BCL11A: variants seen among roughly 807,000 people sequenced by gnomAD.
The protein encoded by BCL11A is BCL11 transcription factor A.
BCL11A carries 2 observed loss-of-function variants against 55.9 expected under a neutral mutation model. The observed-to-expected ratio is 0.04, with a 90% CI of 0.01 to 0.11. BCL11A has a LOEUF of 0.11. Among genes scored for constraint, BCL11A ranks in the 10% least tolerant of loss-of-function variants. BCL11A has a pLI of 1.00. For synonymous variants in BCL11A, 465 were observed against 473.4 expected, an observed-to-expected ratio of 0.98 and a Z score of 0.23; for missense variants, 817 against 1,137.1, an observed-to-expected ratio of 0.72 and a Z score of 4.05.
intron 2 of BCL11A, chr2:60,533,891 A>G (rs1669560924): frequency 6.6e-6 from 1 of 152,242 alleles, no homozygotes; most frequent in South Asian, 2.1e-4. Flanking sequence ...GATGGAAGTC[A>G]CGGTAGGGCA....
intron 2 of BCL11A, among the ~76,000 whole-genome samples, chr2:60,532,325 TG>T (rs916196884): frequency 5.3e-5 from 8 of 150,242 alleles, no homozygotes; most frequent in Admixed American, 2.0e-4. Context: ...TTTTGGTTTT[TG>T]GGTTTTTTTT....
At position 60,546,062 on chromosome 2, in the gene BCL11A, G is replaced by T. The variant is rs201120802; in HGVS notation, c.294C>A (p.Pro98=). ...GCGTGACCTGGATGCCAACCTCCAC[G>T]GGATTGGATGCTTTTTTCATCTCGA... The part of the protein sequence containing the change: ...SPIEMKKASN[P]VEVGIQVTPE... Residue 98 remains proline, a synonymous_variant, in exon 2 of 4, where the codon CCC becomes CCA. Transcript: ENST00000642384. This position sits in a 1 kb window ranked among gnomAD's most constrained non-coding sequence, Gnocchi z 4.1. 8 of 1,614,088 alleles carry T rather than the reference G, an allele frequency of 5.0e-6. No homozygotes were observed. The African/African-American group carries it at 1.1e-4, about 22-fold the overall frequency.
intron 2 of BCL11A, among the ~76,000 whole-genome samples, chr2:60,475,781 T>G (rs1465310930): frequency 1.3e-5 from 2 of 152,140 alleles, no homozygotes; most frequent in Non-Finnish European, 2.9e-5. Flanking sequence ...TCAGGTTATT[T>G]GGGAGCTACT....
intron 3 of BCL11A, among the ~76,000 whole-genome samples, chr2:60,467,263 GGTGATGGTGGTGGTGGTGGTA>G (rs1320201319): frequency 5.4e-5 from 6 of 111,332 alleles, no homozygotes; most frequent in African/African-American, 2.2e-4. Context: ...TGGTGGTGGT[GGTGATGGTGGTGGTGGTGGTA>G]GTGATGGTGG....
chr2:60,451,562 T>A (rs1214648208), exon 5 of BCL11A: 5 of 231,638 alleles, frequency 2.2e-5, no homozygotes, highest in Non-Finnish European at 4.3e-5. Flanking sequence ...TCCTATAATT[T>A]CCCCCCTCTA....
chr2:60,454,023 G>T (rs1321209282), downstream of BCL11A, among the ~76,000 whole-genome samples: 1 of 152,032 alleles, frequency 6.6e-6, no homozygotes, highest in Non-Finnish European at 1.5e-5. Context: ...CGTAGATGAC[G>T]CTGGGAAATA....
downstream of BCL11A, chr2:60,452,862 C>G: frequency 1.9e-6 from 1 of 528,932 alleles, no homozygotes; most frequent in Non-Finnish European, 3.4e-6. Flanking sequence ...AGTCGTCTTC[C>G]CATGCCTCCC....
intron 2 of BCL11A, chr2:60,528,346 A>T (rs559020296): frequency 1.2e-3 from 184 of 152,578 alleles, no homozygotes; most frequent in African/African-American, 4.2e-3. Context: ...AGCCACACAC[A>T]AACAGTAAAA....
At chr2:60,527,776 A>G (rs1014031415) in intron 2 of BCL11A, 1 of 152,264 alleles carries the variant, frequency 6.6e-6, no homozygotes, top group African/African-American at 2.4e-5. Flanking sequence ...AAATTCTCTC[A>G]GTGGAGGTCT....
At chr2:60,539,808 A>G (rs1429850448) in intron 2 of BCL11A, among the ~76,000 whole-genome samples, 1 of 152,222 alleles carries the variant, frequency 6.6e-6, no homozygotes, top group Non-Finnish European at 1.5e-5. Context: ...GTTCGTGCTC[A>G]AATTAATTAG....
At chr2:60,521,660 C>T (rs1668999568) in intron 2 of BCL11A, among the ~76,000 whole-genome samples, 2 of 152,200 alleles carry the variant, frequency 1.3e-5, no homozygotes, top group Admixed American at 1.3e-4. Context: ...TTCTTTGTCC[C>T]CTTCTTTCTG....
At position 60,461,990 on chromosome 2, in the gene BCL11A, T is replaced by A. The variant is rs903578823; in HGVS notation, c.922A>T (p.Met308Leu). Residue 308 changes from methionine to leucine, a missense_variant, in exon 4 of 4, where the codon ATG (methionine) becomes TTG (leucine). By Grantham distance (15) the Met-to-Leu change is conservative. Transcript: ENST00000642384. Reference sequence around the variant, plus strand: ...GAGAAATCCATGGCGGGAGGCTCCATAGCCATTGGATTCAACCGCAGCACC... The same window carrying A: ...GAGAAATCCATGGCGGGAGGCTCCAAAGCCATTGGATTCAACCGCAGCACC... ...DRVLRLNPMA[M>L]EPPAMDFSRR... 3.7e-6 allele frequency: 6 copies of A among 1,613,486 alleles called. No individual in the cohort carries two copies. The highest frequency in any genetic ancestry group is 5.1e-6 in the Non-Finnish European group (6 of 1,179,984).
chr2:60,490,740 A>G (rs975866915), intron 2 of BCL11A, among the ~76,000 whole-genome samples: 9 of 152,298 alleles, frequency 5.9e-5, no homozygotes, highest in African/African-American at 1.4e-4. Flanking sequence ...ACTTGCTTCT[A>G]TTATATTTGA....
chr2:60,502,894 G>A (rs1389080299), intron 2 of BCL11A, among the ~76,000 whole-genome samples: 1 of 152,316 alleles, frequency 6.6e-6, no homozygotes, highest in African/African-American at 2.4e-5. Context: ...TGGGGAAGGA[G>A]TGAACCAGTG....
intron 2 of BCL11A, among the ~76,000 whole-genome samples, chr2:60,488,928 T>A (rs1391902056): frequency 2.6e-5 from 4 of 152,114 alleles, no homozygotes; most frequent in Non-Finnish European, 5.9e-5. Flanking sequence ...CGCGGCTAAT[T>A]TCTGTATTTT....
chr2:60,463,292 G>A (rs531955544), intron 3 of BCL11A, among the ~76,000 whole-genome samples: 1 of 152,316 alleles, frequency 6.6e-6, no homozygotes, highest in Admixed American at 6.5e-5. Context: ...GGCTGGTGCC[G>A]ACTTAAGCAG....
chr2:60,515,030 G>A (rs554930128), intron 2 of BCL11A, among the ~76,000 whole-genome samples: 10 of 152,254 alleles, frequency 6.6e-5, no homozygotes, highest in African/African-American at 2.4e-4. Flanking sequence ...CTTGTTTCCA[G>A]AATGCCACTA....
intron 2 of BCL11A, among the ~76,000 whole-genome samples, chr2:60,529,274 G>A (rs981833155): frequency 3.9e-5 from 6 of 152,188 alleles, no homozygotes; most frequent in Non-Finnish European, 7.3e-5. Flanking sequence ...CATGTGCCCA[G>A]CACTGAGCCC....
intron 2 of BCL11A, chr2:60,541,825 A>G (rs1333478950): frequency 6.4e-6 from 4 of 628,988 alleles, no homozygotes; most frequent in Non-Finnish European, 1.1e-5. Context: ...ATAAATAAAG[A>G]GAAAAGAAAA....
Sources: gnomAD v4.1 joint callset for allele counts (sites outside exome capture counted in the v4.1 genomes callset) on GRCh38, gnomAD v4.1.1 for gene constraint, Gnocchi (gnomAD v3.1) non-coding constraint, MANE v1.5 for transcripts, NCBI Gene and HGNC (gene_info 2026-07-23, HGNC 2026-07-21) for gene names.